Variants in NTRK3 observed in about 807,000 individuals in gnomAD.
NTRK3 encodes NT-3 growth factor receptor.
Under a neutral mutation model 91.7 loss-of-function variants are expected in NTRK3, and 24 were observed. That is an observed-to-expected ratio of 0.26 (90% CI 0.19 to 0.37). The LOEUF is 0.37. NTRK3 is among the 10% of genes least tolerant of loss of function. The pLI, the probability that NTRK3 is intolerant of heterozygous loss-of-function variation, is 1.00. For missense variants in NTRK3, 880 were observed against 1,068.9 expected (o/e 0.82, Z 2.46); for synonymous variants, 483 against 404.0 (o/e 1.20, Z -2.34).
rs1418959591 is a variant in NTRK3, at chr15:88,255,223, G to A, written c.248+683C>T. 6.6e-6 allele frequency among the ~76,000 whole-genome samples: 1 copy of A among 152,136 alleles called. No homozygotes were observed. Among genetic ancestry groups the A allele is most frequent in the Non-Finnish European group, 1.5e-5 (1 of 68,040 alleles). ...CTGGGAAGGGATCTGTAGGCGCCCA[G>A]ATGCAGATGAGGGTGGCAAAGGGGT... is the stretch of plus-strand genomic sequence containing the variant. On this transcript the variant is annotated intron_variant, in intron 3 of 18. Coordinates refer to ENST00000394480, the Ensembl canonical transcript of NTRK3. The surrounding 1 kb of genome is among the most constrained non-coding windows in gnomAD (Gnocchi z 4.3).
chr15:87,999,486 C>T (rs1279077816), intron 14 of NTRK3, among the ~76,000 whole-genome samples: 2 of 152,202 alleles, frequency 1.3e-5, no homozygotes, highest in African/African-American at 2.4e-5. Flanking sequence ...TTGCAAAGCA[C>T]CTCAAACATT....
chr15:88,030,755 C>G (rs1455809427), intron 14 of NTRK3, among the ~76,000 whole-genome samples: 2 of 150,374 alleles, frequency 1.3e-5, no homozygotes, highest in African/African-American at 4.9e-5. Flanking sequence ...GAGATATCTG[C>G]CTTCTTCCTT....
intron 14 of NTRK3, among the ~76,000 whole-genome samples, chr15:88,026,460 T>C (rs1186922615): frequency 6.6e-6 from 1 of 152,010 alleles, no homozygotes; most frequent in African/African-American, 2.4e-5. Flanking sequence ...GAAAGATCAG[T>C]GGTCGCCAGG....
chr15:88,071,507 A>G (rs1444372960), intron 13 of NTRK3, among the ~76,000 whole-genome samples: 1 of 152,276 alleles, frequency 6.6e-6, no homozygotes, highest in Non-Finnish European at 1.5e-5. Context: ...CTGAACAGCT[A>G]CATCAGTGCT....
chr15:87,906,276 CA>C (rs1243609817), intron 17 of NTRK3, among the ~76,000 whole-genome samples: 3 of 152,224 alleles, frequency 2.0e-5, no homozygotes, highest in African/African-American at 7.2e-5. Flanking sequence ...AAGCCCCTAT[CA>C]AGGTGCCTGG....
chr15:87,949,266 G>A (rs1464687306), intron 14 of NTRK3, among the ~76,000 whole-genome samples: 11 of 152,074 alleles, frequency 7.2e-5, no homozygotes, highest in Middle Eastern at 3.4e-3. Context: ...AGAATGGCCC[G>A]AGGAACCAAG....
intron 13 of NTRK3, among the ~76,000 whole-genome samples, chr15:88,054,021 G>T (rs1409077033): frequency 6.6e-6 from 1 of 152,192 alleles, no homozygotes; most frequent in Admixed American, 6.5e-5. Flanking sequence ...GCAAATCTAA[G>T]GGGAAAATAA....
chr15:88,179,142 T>C (rs1452203911), intron 5 of NTRK3, among the ~76,000 whole-genome samples: 1 of 152,172 alleles, frequency 6.6e-6, no homozygotes, highest in African/African-American at 2.4e-5. Flanking sequence ...TATTTGCAAA[T>C]GCACCAGGCA....
intron 5 of NTRK3, among the ~76,000 whole-genome samples, chr15:88,153,183 A>T (rs1157059613): frequency 6.6e-6 from 1 of 150,578 alleles, no homozygotes; most frequent in African/African-American, 2.4e-5. Flanking sequence ...GAAAGGTGCA[A>T]TTCCCTCTTT....
At chr15:88,249,918 C>T (rs967665934) in intron 3 of NTRK3, among the ~76,000 whole-genome samples, 7 of 152,134 alleles carry the variant, frequency 4.6e-5, no homozygotes, top group Admixed American at 6.5e-5. Flanking sequence ...AACACTCAGC[C>T]GCCCTTTGCA....
At chr15:88,177,567 G>A (rs1268642312) in intron 5 of NTRK3, among the ~76,000 whole-genome samples, 1 of 152,176 alleles carries the variant, frequency 6.6e-6, no homozygotes, top group Non-Finnish European at 1.5e-5. Flanking sequence ...TTTGATGGAT[G>A]GTACCACTTA....
At chr15:87,956,331 A>G (rs1269992455) in intron 14 of NTRK3, among the ~76,000 whole-genome samples, 3 of 152,010 alleles carry the variant, frequency 2.0e-5, no homozygotes, top group African/African-American at 4.8e-5. Context: ...CTGGAATGCA[A>G]TGGCACAATC....
At chr15:88,169,755 G>A (rs780798288) in intron 5 of NTRK3, among the ~76,000 whole-genome samples, 2 of 152,160 alleles carry the variant, frequency 1.3e-5, no homozygotes, top group African/African-American at 2.4e-5. Flanking sequence ...CTCTCTCACT[G>A]CCAGGCATCT....
chr15:87,979,233 G>T, intron 14 of NTRK3: 1 of 858,622 alleles, frequency 1.2e-6, no homozygotes, highest in Non-Finnish European at 2.0e-6. Flanking sequence ...GGCTCATGCA[G>T]TTTCTACTTA....
At chr15:88,103,845 G>C (rs1405126768) in intron 13 of NTRK3, among the ~76,000 whole-genome samples, 1 of 152,152 alleles carries the variant, frequency 6.6e-6, no homozygotes, top group Non-Finnish European at 1.5e-5. Context: ...GAGCCAAAGG[G>C]CAATAGGAGA....
intron 14 of NTRK3, among the ~76,000 whole-genome samples, chr15:88,008,513 C>T (rs898594905): frequency 6.6e-6 from 1 of 152,060 alleles, no homozygotes; most frequent in Non-Finnish European, 1.5e-5. Context: ...CCCTAGGACA[C>T]AGTGGTTTCT....
Position 88,245,044 on chromosome 15 carries a change from C to A in NTRK3, c.248+10862G>T, listed in dbSNP as rs572010592. On this transcript the variant is annotated intron_variant, in intron 3 of 18. Coordinates refer to ENST00000394480, the Ensembl canonical transcript of NTRK3. ...TTGGTATTCCAAAGGAGTCCCTTAG[C>A]AGGAGCCATAACAATCTCCCTGTCC... Among the ~76,000 whole-genome samples the A allele has an allele frequency of 3.3e-5, 5 of 152,338 alleles. No homozygotes were observed. In the South Asian group the frequency reaches 1.0e-3, roughly 32 times the overall value.
chr15:88,040,674 C>A (rs1329308455), intron 13 of NTRK3, among the ~76,000 whole-genome samples: 1 of 152,192 alleles, frequency 6.6e-6, no homozygotes, highest in Non-Finnish European at 1.5e-5. Context: ...AGCCACTGGC[C>A]CAACCCTAGG....
chr15:87,998,386 G>A (rs988580976), intron 14 of NTRK3, among the ~76,000 whole-genome samples: 34 of 152,238 alleles, frequency 2.2e-4, no homozygotes, highest in African/African-American at 7.2e-4. Context: ...GCTGCCTGCT[G>A]TAGTTGTGTG....
Sources: gnomAD v4.1 joint callset for allele counts (sites outside exome capture counted in the v4.1 genomes callset) on GRCh38, gnomAD v4.1.1 for gene constraint, Gnocchi (gnomAD v3.1) non-coding constraint, MANE v1.5 for transcripts, NCBI Gene and HGNC (gene_info 2026-07-23, HGNC 2026-07-21) for gene names.